Variants in MAF observed in about 807,000 individuals in gnomAD.
MAF encodes the protein transcription factor Maf.
In MAF, 10 loss-of-function variants were observed where a neutral mutation model predicts 22.0. The ratio of observed to expected loss-of-function variants is 0.45; its 90% CI spans 0.28 to 0.77. The LOEUF is 0.77. MAF is among the 30% of genes least tolerant of loss of function. The pLI, the probability that MAF is intolerant of heterozygous loss-of-function variation, is 0.12. For missense variants in MAF, 544 were observed against 548.4 expected, an observed-to-expected ratio of 0.99 and a Z score of 0.08; for synonymous variants, 337 against 255.8, an observed-to-expected ratio of 1.32 and a Z score of -3.03.
At chr16:79,509,548 C>T in the MAF span, among the ~76,000 whole-genome samples, 1 of 152,270 alleles carries the variant, frequency 6.6e-6, no homozygotes, top group Non-Finnish European at 1.5e-5. Flanking sequence ...ATGCAGACCT[C>T]TCCCGCCTCC....
chr16:79,273,099 G>A, the MAF span, among the ~76,000 whole-genome samples: 446 of 152,226 alleles, frequency 2.9e-3, 17 homozygotes, highest in East Asian at 0.072. Context: ...TTTGCTCTGC[G>A]GTGTCCTTGT....
At chr16:79,313,489 C>T in the MAF span, among the ~76,000 whole-genome samples, 22 of 152,270 alleles carry the variant, frequency 1.4e-4, no homozygotes, top group African/African-American at 3.6e-4. Context: ...TCTGTAAAAA[C>T]GGACTGTTCC....
At chr16:79,520,994 A>C in the MAF span, among the ~76,000 whole-genome samples, 9 of 152,324 alleles carry the variant, frequency 5.9e-5, no homozygotes, top group African/African-American at 2.2e-4. Context: ...TAACTTACCC[A>C]AGATCATTCT....
chr16:79,387,739 T>C, the MAF span, among the ~76,000 whole-genome samples: 1 of 152,210 alleles, frequency 6.6e-6, no homozygotes, highest in East Asian at 1.9e-4. Flanking sequence ...CTGAGATTCA[T>C]TTCCAATAAG....
chr16:79,320,170 T>C, the MAF span, among the ~76,000 whole-genome samples: 2 of 152,188 alleles, frequency 1.3e-5, no homozygotes, highest in African/African-American at 2.4e-5. Flanking sequence ...GTGGATTTTC[T>C]TTGGGTACAA....
the MAF span, among the ~76,000 whole-genome samples, chr16:79,221,959 C>T: frequency 1.6e-3 from 241 of 152,142 alleles, no homozygotes; most frequent in African/African-American, 5.4e-3. Flanking sequence ...TTCCCTGGGA[C>T]ACAGACAGAG....
At chr16:79,250,454 C>T in the MAF span, among the ~76,000 whole-genome samples, 4 of 152,188 alleles carry the variant, frequency 2.6e-5, no homozygotes, top group Admixed American at 2.6e-4. Context: ...TCTTTAATTG[C>T]CAGAATGAGA....
rs574394093 is a variant in MAF, at chr16:79,598,767, A to G, written c.1118+18T>C. 5 of 1,613,790 alleles carry G rather than the reference A, an allele frequency of 3.1e-6. No homozygotes were observed. The East Asian group carries it at 6.7e-5, about 22-fold the overall frequency. On this transcript the variant is annotated intron_variant, in intron 1 of 1. Transcript: ENST00000326043. ...GCACTTATCAGGGTGGCTAGCTGGA[A>G]TCGCGTGTCAGACTCACATGAAAAA... is the stretch of plus-strand genomic sequence containing the variant.
At chr16:79,454,089 T>C in the MAF span, among the ~76,000 whole-genome samples, 1 of 152,202 alleles carries the variant, frequency 6.6e-6, no homozygotes, top group African/African-American at 2.4e-5. Flanking sequence ...TTAATTGTTA[T>C]AGGAACCCTG....
the MAF span, among the ~76,000 whole-genome samples, chr16:79,322,475 G>A: frequency 6.6e-6 from 1 of 152,066 alleles, no homozygotes; most frequent in Admixed American, 6.5e-5. Flanking sequence ...CAATAAGGAG[G>A]TGCCCAGGAA....
the MAF span, among the ~76,000 whole-genome samples, chr16:79,324,200 T>G: frequency 6.6e-6 from 1 of 152,206 alleles, no homozygotes; most frequent in African/African-American, 2.4e-5. Context: ...GCCCATTTCA[T>G]AGGATAAAAT....
chr16:79,337,151 G>A, the MAF span, among the ~76,000 whole-genome samples: 2 of 152,202 alleles, frequency 1.3e-5, no homozygotes, highest in African/African-American at 4.8e-5. Flanking sequence ...TAAGACGAGT[G>A]AGTGGGTCAT....
At chr16:79,436,504 G>A in the MAF span, among the ~76,000 whole-genome samples, 1 of 152,200 alleles carries the variant, frequency 6.6e-6, no homozygotes, top group Non-Finnish European at 1.5e-5. Context: ...GGGAACTGGG[G>A]TGCCAATTAC....
chr16:79,426,155 G>A, the MAF span, among the ~76,000 whole-genome samples: 4 of 151,554 alleles, frequency 2.6e-5, no homozygotes, highest in Admixed American at 6.6e-5. Context: ...ATAGGGAGCC[G>A]AGATCGTGCC....
the MAF span, among the ~76,000 whole-genome samples, chr16:79,394,863 C>T: frequency 6.6e-6 from 1 of 152,168 alleles, no homozygotes; most frequent in African/African-American, 2.4e-5. Context: ...ATTTAACACA[C>T]ATTATAAGTG....
At chr16:79,383,101 A>C in the MAF span, among the ~76,000 whole-genome samples, 2 of 152,230 alleles carry the variant, frequency 1.3e-5, no homozygotes, top group Admixed American at 1.3e-4. Context: ...ATACTTGATA[A>C]AATGTAAACC....
the MAF span, among the ~76,000 whole-genome samples, chr16:79,457,626 G>T: frequency 1.3e-5 from 2 of 152,082 alleles, no homozygotes; most frequent in Admixed American, 1.3e-4. Context: ...ATATACATTT[G>T]TATGTACTTC....
downstream of MAF, among the ~76,000 whole-genome samples, chr16:79,585,651 C>G (rs1173077129): frequency 6.6e-6 from 1 of 152,134 alleles, no homozygotes; most frequent in African/African-American, 2.4e-5. Flanking sequence ...TAAATGCATG[C>G]TGATTCTCAC....
At chr16:79,532,972 T>A in the MAF span, among the ~76,000 whole-genome samples, 1 of 152,244 alleles carries the variant, frequency 6.6e-6, no homozygotes, top group Non-Finnish European at 1.5e-5. Context: ...CTGACCTGCT[T>A]CACATAACCT....
Sources: gnomAD v4.1 joint callset for allele counts (sites outside exome capture counted in the v4.1 genomes callset) on GRCh38, gnomAD v4.1.1 for gene constraint, MANE v1.5 for transcripts, NCBI Gene and HGNC (gene_info 2026-07-23, HGNC 2026-07-21) for gene names.